Variants in RBM39 observed in about 807,000 individuals in gnomAD.
The protein encoded by RBM39 is RNA binding motif protein 39, also known as RNA-binding protein 39.
In RBM39, 12 loss-of-function variants were observed where a neutral mutation model predicts 79.6. That is an observed-to-expected ratio of 0.15 (90% CI 0.10 to 0.24). The LOEUF (loss-of-function observed/expected upper bound fraction) is 0.24, where lower values mean the gene tolerates loss of function less well. RBM39 is among the 10% of genes least tolerant of loss of function. The pLI is 1.00. For synonymous variants in RBM39, 185 were observed against 208.4 expected (o/e 0.89, Z 0.97); for missense variants, 243 against 653.4 (o/e 0.37, Z 6.85).
At chr20:35,739,684 A>T (rs1423508108) in intron 2 of RBM39, 1 of 316,884 alleles carries the variant, frequency 3.2e-6, no homozygotes, top group Non-Finnish European at 6.4e-6. Flanking sequence ...CATCCATGTT[A>T]AAAAAAACTA....
Position 35,715,064 on chromosome 20 carries a change from T to C in RBM39, c.892-675A>G, listed in dbSNP as rs114630955. ...AAGTTAAACAGATTTGCTATCAACA[T>C]AGCAACAGGCTTACATTTTATTGAA... On this transcript the variant is annotated intron_variant, in intron 10 of 16. Coordinates refer to ENST00000253363, the MANE Select transcript of RBM39 (RefSeq NM_184234.3). 9.2e-3 allele frequency among the ~76,000 whole-genome samples: 1,394 copies of C among 152,302 alleles called. 24 individuals are homozygous for C. Among genetic ancestry groups the C allele is most frequent in the African/African-American group, 0.032 (1,335 of 41,566 alleles).
At chr20:35,736,575 G>A (rs1481094301) in intron 3 of RBM39, 3 of 470,704 alleles carry the variant, frequency 6.4e-6, no homozygotes, top group Non-Finnish European at 1.3e-5. Context: ...GATCTTAGGA[G>A]GAAAAGAGCC....
chr20:35,723,983 G>A (rs943959718), intron 8 of RBM39, among the ~76,000 whole-genome samples: 10 of 152,180 alleles, frequency 6.6e-5, no homozygotes, highest in African/African-American at 1.9e-4. Flanking sequence ...CAAGGCTACA[G>A]TGAGCTGTGA....
intron 14 of RBM39, chr20:35,705,540 G>A (rs570928035): frequency 1.8e-5 from 7 of 399,548 alleles, no homozygotes; most frequent in African/African-American, 4.3e-5. Flanking sequence ...ACTCATGCCT[G>A]TAATCCCAGC....
chr20:35,725,311 G>T (rs1308795922), intron 6 of RBM39, among the ~76,000 whole-genome samples, 156 bp from the exon 7 acceptor site: 2 of 152,082 alleles, frequency 1.3e-5, no homozygotes. Context: ...AGATTTTAGT[G>T]TACCTGTCAC....
chr20:35,736,241 T>TAA (rs1294729435), intron 3 of RBM39, among the ~76,000 whole-genome samples: 1 of 152,162 alleles, frequency 6.6e-6, no homozygotes. Context: ...CCAGATGACA[T>TAA]AAACCATACC....
chr20:35,735,057 A>C, intron 3 of RBM39: 1 of 1,572,776 alleles, frequency 6.4e-7, no homozygotes, highest in South Asian at 1.2e-5. Context: ...ATGTAAGAAG[A>C]TCTAAATTTT....
intron 3 of RBM39, among the ~76,000 whole-genome samples, chr20:35,733,581 C>G (rs2039604702): frequency 6.6e-6 from 1 of 151,808 alleles, no homozygotes; most frequent in Non-Finnish European, 1.5e-5. Context: ...TGTACTCCAG[C>G]CTGAGCAACA....
intron 14 of RBM39, among the ~76,000 whole-genome samples, chr20:35,706,019 T>C (rs1324017147): frequency 2.0e-5 from 3 of 150,864 alleles, no homozygotes; most frequent in Non-Finnish European, 4.4e-5. Context: ...CTGGCCAACA[T>C]GGCGAAACCC....
At chr20:35,728,098 T>C (rs1310470912) in intron 6 of RBM39, among the ~76,000 whole-genome samples, 1 of 152,220 alleles carries the variant, frequency 6.6e-6, no homozygotes, top group Non-Finnish European at 1.5e-5. Context: ...ACAATTCTTA[T>C]TTTTAAGAGT....
intron 11 of RBM39, 144 bp from the exon 12 acceptor site, chr20:35,713,240 A>G (rs989313161): frequency 8.2e-6 from 5 of 607,592 alleles, no homozygotes; most frequent in Non-Finnish European, 1.4e-5. Context: ...CTTAGCTAGC[A>G]CTCTGGGAGG....
chr20:35,733,636 C>T (rs77199867), intron 3 of RBM39, among the ~76,000 whole-genome samples: 1,473 of 144,900 alleles, frequency 0.01, 30 homozygotes, highest in African/African-American at 0.037. Context: ...AAAGAACTAA[C>T]GCATTAAAAT....
intron 12 of RBM39, among the ~76,000 whole-genome samples, chr20:35,711,446 A>G (rs1340331212): frequency 1.3e-5 from 2 of 152,216 alleles, no homozygotes; most frequent in Admixed American, 6.5e-5. Context: ...TGTTAATCCA[A>G]TGGAATAAAG....
intron 3 of RBM39, 63 bp downstream of exon 3, chr20:35,738,905 A>C: frequency 7.1e-7 from 1 of 1,407,900 alleles, no homozygotes; most frequent in Non-Finnish European, 1.0e-6. Flanking sequence ...CAGGAACACA[A>C]CTTAAGGTCT....
At chr20:35,730,504 G>A (rs1253860940) in intron 4 of RBM39, among the ~76,000 whole-genome samples, 2 of 152,150 alleles carry the variant, frequency 1.3e-5, no homozygotes, top group African/African-American at 4.8e-5. Context: ...GCTGATGACT[G>A]AGAATCATTT....
chr20:35,735,091 A>G (rs2146713888), intron 3 of RBM39: 1 of 1,543,024 alleles, frequency 6.5e-7, no homozygotes, highest in Admixed American at 2.3e-5. Flanking sequence ...TCTGGAAAAT[A>G]AGAAAAAAAA....
chr20:35,715,025 G>GTTCATTGACGTA (rs1308675384), intron 10 of RBM39, among the ~76,000 whole-genome samples: 2 of 152,148 alleles, frequency 1.3e-5, no homozygotes, highest in Non-Finnish European at 2.9e-5. Flanking sequence ...GTACGTAACA[G>GTTCATTGACGTA]CCTAATGACC....
chr20:35,737,547 C>T (rs2040069503), intron 3 of RBM39, among the ~76,000 whole-genome samples: 3 of 148,176 alleles, frequency 2.0e-5, no homozygotes, highest in African/African-American at 5.0e-5. Flanking sequence ...GTGACAAAAA[C>T]GAAACTCTGT....
intron 6 of RBM39, among the ~76,000 whole-genome samples, chr20:35,726,833 T>G (rs1311641877): frequency 4.6e-5 from 7 of 152,080 alleles, no homozygotes; most frequent in Admixed American, 4.6e-4. Flanking sequence ...ACAAAAGCTT[T>G]TTTTTCTTTT....
Sources: allele counts gnomAD v4.1 joint callset (sites outside exome capture counted in the v4.1 genomes callset), GRCh38; gene constraint gnomAD v4.1.1; transcripts MANE v1.5; gene names NCBI Gene and HGNC (gene_info 2026-07-23, HGNC 2026-07-21).